PRMT2: variants seen among roughly 807,000 people sequenced by gnomAD.
PRMT2 encodes protein arginine N-methyltransferase 2.
Under a neutral mutation model 57.6 loss-of-function variants are expected in PRMT2, and 26 were observed. The observed-to-expected ratio is 0.45, with a 90% CI of 0.33 to 0.63. The LOEUF (loss-of-function observed/expected upper bound fraction) is 0.63, where lower values mean the gene tolerates loss of function less well. Ranked by LOEUF, PRMT2 falls within the 20% of genes least tolerant of loss-of-function variation. The pLI, the probability that PRMT2 is intolerant of heterozygous loss-of-function variation, is 0.02. For synonymous variants in PRMT2, 219 were observed against 220.0 expected (o/e 1.00, Z 0.04); for missense variants, 472 against 564.4 (o/e 0.84, Z 1.66).
chr21:46,662,402 G>C (rs2061643504), intron 10 of PRMT2, among the ~76,000 whole-genome samples: 1 of 152,244 alleles, frequency 6.6e-6, no homozygotes, highest in South Asian at 2.1e-4. Context: ...GGGTGGGGTT[G>C]GCTACCCCGC....
intron 5 of PRMT2, among the ~76,000 whole-genome samples, chr21:46,647,067 T>G (rs920406295): frequency 9.2e-5 from 14 of 152,330 alleles, no homozygotes; most frequent in African/African-American, 3.4e-4. Flanking sequence ...TTTGGAGACA[T>G]TTCAGACCGT....
At chr21:46,645,721 G>T (rs886638672) in intron 5 of PRMT2, among the ~76,000 whole-genome samples, 30 of 142,162 alleles carry the variant, frequency 2.1e-4, no homozygotes, top group South Asian at 6.7e-4. Flanking sequence ...GTTTGTTTTT[G>T]TTTTTTTTTT....
At chr21:46,645,208 A>C (rs2061341706) in intron 5 of PRMT2, among the ~76,000 whole-genome samples, 1 of 58 alleles carries the variant, frequency 0.017, no homozygotes. Context: ...CCAAGGCTGC[A>C]GTGAGCCATG....
chr21:46,662,208 C>G (rs1051113874), intron 10 of PRMT2, among the ~76,000 whole-genome samples: 1 of 152,196 alleles, frequency 6.6e-6, no homozygotes, highest in Non-Finnish European at 1.5e-5. Flanking sequence ...GGAGGAGCTC[C>G]CTGTCTTCCA....
At position 46,640,598 on chromosome 21, in the gene PRMT2, C is replaced by T. The variant is rs148867214; in HGVS notation, c.40-2937C>T. ...CTGGGACTACAGGTGACCACCACCA[C>T]GCCCGGCTAATTTTTTGTATTTTTA... On this transcript the variant is annotated intron_variant, in intron 3 of 11. Coordinates refer to ENST00000355680, the MANE Select transcript of PRMT2 (RefSeq NM_206962.4). Among the ~76,000 whole-genome samples, 464 of 152,084 alleles carry T rather than the reference C, an allele frequency of 3.1e-3. 4 individuals carry two copies. The highest frequency in any genetic ancestry group is 0.011 in the African/African-American group (449 of 41,514).
rs2061410615 is a variant in PRMT2, at chr21:46,649,132, T to C, written c.490-443T>C. Among the ~76,000 whole-genome samples, 2 of 152,146 alleles carry C rather than the reference T, an allele frequency of 1.3e-5. No homozygotes were observed. The highest frequency in any genetic ancestry group is 4.1e-4 in the South Asian group (2 of 4,824). On this transcript the variant is annotated intron_variant, in intron 6 of 11. Transcript: ENST00000355680. The surrounding 1 kb of genome is among the most constrained non-coding windows in gnomAD (Gnocchi z 4.8). Reference sequence around the variant, plus strand: ...GCACAGTGTCCACCCAAGTCCAGGCTCTGCAGGACCCAGGACCCAGCGCTT... The same window carrying C: ...GCACAGTGTCCACCCAAGTCCAGGCCCTGCAGGACCCAGGACCCAGCGCTT...
At chr21:46,663,642 GC>G in intron 11 of PRMT2, 88 bp downstream of exon 11, 1 of 1,380,156 alleles carries the variant, frequency 7.2e-7, no homozygotes, top group Non-Finnish European at 1.0e-6. Context: ...GCAGATGCTG[GC>G]CCACACTGGG....
At chr21:46,653,634 T>C (rs1365872529) in intron 7 of PRMT2, 2 of 1,206,498 alleles carry the variant, frequency 1.7e-6, no homozygotes, top group Non-Finnish European at 2.1e-6. Context: ...TTTTATGCCT[T>C]GATATTTCTT....
chr21:46,662,962 G>T (rs1217171542), intron 10 of PRMT2, among the ~76,000 whole-genome samples: 2 of 152,164 alleles, frequency 1.3e-5, no homozygotes, highest in Admixed American at 1.3e-4. Context: ...GGAAGGGGTT[G>T]CACAGCCGTC....
At chr21:46,660,762 C>A in intron 8 of PRMT2, 71 bp from the exon 9 acceptor site, 2 of 1,567,894 alleles carry the variant, frequency 1.3e-6, no homozygotes, top group Non-Finnish European at 1.7e-6. Flanking sequence ...TCACCGCGGT[C>A]CCACGTGTGT....
intron 5 of PRMT2, among the ~76,000 whole-genome samples, chr21:46,647,573 T>C (rs1396823142): frequency 6.6e-6 from 1 of 152,200 alleles, no homozygotes; most frequent in Non-Finnish European, 1.5e-5. Flanking sequence ...GCAGTCATAG[T>C]GCACTGTATC....
intron 7 of PRMT2, chr21:46,657,588 T>G (rs761139644): frequency 6.6e-6 from 1 of 152,212 alleles, no homozygotes; most frequent in Non-Finnish European, 1.5e-5. Context: ...GTTCCATTTG[T>G]ATGATATTCT....
chr21:46,664,506 G>A lies in PRMT2; in HGVS notation c.*179G>A, dbSNP rs1407028314. On this transcript the variant is annotated 3_prime_UTR_variant, in exon 12 of 12. Coordinates refer to ENST00000355680, the MANE Select transcript of PRMT2 (RefSeq NM_206962.4). ...GTCCTTCACAGACAAACACGCTTGG[G>A]CTCGGCAGGAGCTGCCGTGGCCACC... The A allele has an allele frequency of 7.8e-6, 6 of 772,572 alleles. No homozygotes were observed. The highest frequency in any genetic ancestry group is 2.2e-5 in the Admixed American group (1 of 46,010). 47.9% of individuals were successfully genotyped at this position (772,572 alleles called of 1,614,324 possible).
At chr21:46,663,586 T>C (rs1237477821) in intron 11 of PRMT2, 32 bp downstream of exon 11, 4 of 1,601,004 alleles carry the variant, frequency 2.5e-6, no homozygotes, top group Non-Finnish European at 3.4e-6. Context: ...TTCTGTCCTG[T>C]GGGTGCCGGT....
In PRMT2 at chr21:46,658,746, T is replaced by G. The variant is rs1215141007; in HGVS notation, c.656T>G (p.Phe219Cys). Residue 219 changes from phenylalanine (F) to cysteine (C), a missense_variant and splice_region_variant, in exon 8 of 12, where the codon TTT becomes TGT. Coordinates refer to ENST00000355680, the MANE Select transcript of PRMT2 (RefSeq NM_206962.4). Reference protein sequence around the residue: ...VSEWMGTCLLFEFMIESILYA... With the variant: ...VSEWMGTCLLCEFMIESILYA... ...TGTGTGTCTTTCACTCCTATGCAGT[T>G]TGAGTTCATGATCGAGTCCATCCTG... 6.2e-7 allele frequency: 1 copy of G among 1,614,076 alleles called. No homozygotes were observed. Among genetic ancestry groups the G allele is most frequent in the Non-Finnish European group, 8.5e-7 (1 of 1,179,962 alleles).
rs555264678 is a variant in PRMT2 at position 46,661,449 on chromosome 21, G to C, written c.961-351G>C. ...CCCAGCTGGCGCCGCGTCTGGAGAT[G>C]GGGCGGGCGCGGTGGCGCCGGCGCG... On this transcript the variant is annotated intron_variant, in intron 9 of 11. Coordinates refer to ENST00000355680, the MANE Select transcript of PRMT2 (RefSeq NM_206962.4). 67 of 178,712 alleles carry C rather than the reference G, an allele frequency of 3.7e-4. 1 individual carries two copies. The South Asian group carries it at 5.1e-3, about 14-fold the overall frequency. 11.1% of individuals were successfully genotyped at this position (178,712 alleles called of 1,614,324 possible). A position where few individuals can be genotyped will look rare whatever the true frequency, so the allele number is the denominator to read the frequency against.
chr21:46,649,951 C>A lies in PRMT2; in HGVS notation c.654+212C>A. Reference sequence around the variant, plus strand: ...AAATGCCTTTATGAGAAATTTAAGTCAAAGTTCATGTAACATTTTCATGAG... The same window carrying A: ...AAATGCCTTTATGAGAAATTTAAGTAAAAGTTCATGTAACATTTTCATGAG... On this transcript the variant is annotated intron_variant, in intron 7 of 11. Coordinates refer to ENST00000355680, the MANE Select transcript of PRMT2 (RefSeq NM_206962.4). This position sits in a 1 kb window ranked among gnomAD's most constrained non-coding sequence, Gnocchi z 4.8. 6.9e-7 allele frequency: 1 copy of A among 1,446,172 alleles called. No individual in the cohort carries two copies. The highest frequency in any genetic ancestry group is 1.5e-5 in the South Asian group (1 of 67,462). The allele number at this position is 1,446,172 out of a possible 1,614,324, so 89.6% of individuals were successfully genotyped here.
chr21:46,645,390 C>A (rs78115224), intron 5 of PRMT2, among the ~76,000 whole-genome samples: 1,365 of 19,914 alleles, frequency 0.069, 23 homozygotes, highest in African/African-American at 0.21. Flanking sequence ...CACTTGAAGC[C>A]AGGAGTTCAA....
At chr21:46,655,230 A>G (rs1258392945) in intron 7 of PRMT2, among the ~76,000 whole-genome samples, 1 of 152,210 alleles carries the variant, frequency 6.6e-6, no homozygotes, top group Non-Finnish European at 1.5e-5. Context: ...TTGCCCTAAT[A>G]CCAAAACCAA....
Sources: gnomAD v4.1 joint callset for allele counts (sites outside exome capture counted in the v4.1 genomes callset) on GRCh38, gnomAD v4.1.1 for gene constraint, Gnocchi (gnomAD v3.1) non-coding constraint, MANE v1.5 for transcripts, NCBI Gene and HGNC (gene_info 2026-07-23, HGNC 2026-07-21) for gene names.